The following LAMC2 variants were observed in gnomAD, a reference collection of about 807,000 sequenced individuals.
LAMC2 encodes laminin subunit gamma-2.
LAMC2 carries 97 observed loss-of-function variants against 140.2 expected under a neutral mutation model. The observed-to-expected ratio is 0.69, with a 90% CI of 0.59 to 0.82. The LOEUF (loss-of-function observed/expected upper bound fraction) is 0.82, where lower values mean the gene tolerates loss of function less well. Ranked by LOEUF, LAMC2 falls within the 40% of genes least tolerant of loss-of-function variation. The pLI is 0.00. For synonymous variants in LAMC2, 513 were observed against 540.2 expected (o/e 0.95, Z 0.70); for missense variants, 1,402 against 1,476.1 (o/e 0.95, Z 0.82).
chr1:183,237,552 C>A, intron 18 of LAMC2, 48 bp downstream of exon 18: 1 of 1,456,404 alleles, frequency 6.9e-7, no homozygotes, highest in Non-Finnish European at 9.6e-7. Flanking sequence ...ATTGAATGCC[C>A]ACCATATGAA....
chr1:183,237,986 C>T (rs983668654), intron 18 of LAMC2, among the ~76,000 whole-genome samples: 2 of 152,160 alleles, frequency 1.3e-5, no homozygotes, highest in African/African-American at 4.8e-5. Context: ...AGCCCTCAAA[C>T]CTAGGAATAG....
At chr1:183,235,487 C>T in intron 15 of LAMC2, 88 bp from the exon 16 acceptor site, 1 of 1,431,966 alleles carries the variant, frequency 7.0e-7, no homozygotes. Context: ...AGACCAGCTC[C>T]CGTACTCTTT....
At position 183,235,558 on chromosome 1, in the gene LAMC2, G is replaced by GT. The variant is rs1366980982; in HGVS notation, c.2301-12dup. On this transcript the variant is annotated splice_polypyrimidine_tract_variant and intron_variant, in intron 15 of 22. Transcript: ENST00000264144. ...TTTGCGTGAAAACTCTTATTCTTTT[G>GT]TTTTTAATCCTTTCAGCCACGTTGA... 6.2e-7 allele frequency: 1 copy of GT among 1,613,872 alleles called. No individual in the cohort carries two copies. Among genetic ancestry groups the GT allele is most frequent in the African/African-American group, 1.3e-5 (1 of 74,926 alleles).
At chr1:183,237,582 A>C (rs1015370307) in intron 18 of LAMC2, 78 bp downstream of exon 18, 79 of 1,350,952 alleles carry the variant, frequency 5.8e-5, no homozygotes, top group Non-Finnish European at 8.0e-5. Flanking sequence ...CAAGAAGAAT[A>C]ATCAAAAGCT....
chr1:183,229,831 G>A (rs1321190263), intron 11 of LAMC2, among the ~76,000 whole-genome samples: 1 of 151,924 alleles, frequency 6.6e-6, no homozygotes, highest in African/African-American at 2.4e-5. Flanking sequence ...AGGAATTCTA[G>A]GCCAGACCAG....
chr1:183,191,777 T>A (rs1032728319), intron 1 of LAMC2, among the ~76,000 whole-genome samples: 5 of 151,974 alleles, frequency 3.3e-5, no homozygotes, highest in African/African-American at 1.2e-4. Context: ...GGGGACTGCT[T>A]GAACCCGGGA....
chr1:183,232,185 A>T lies in LAMC2; in HGVS notation c.1858-2A>T, dbSNP rs1659818945. On this transcript the variant is annotated splice_acceptor_variant, in intron 12 of 22. Coordinates refer to ENST00000264144, the MANE Select transcript of LAMC2 (RefSeq NM_005562.3). LOFTEE classifies it high-confidence loss of function. ...GTTCTGATCTTTCCTGTGTGGTTTC[A>T]GATGGATCAGTTTATGCAGCAGCTT... 1 of 1,613,570 alleles carries T rather than the reference A, an allele frequency of 6.2e-7. No individual in the cohort carries two copies. Among genetic ancestry groups the T allele is most frequent in the Non-Finnish European group, 8.5e-7 (1 of 1,180,012 alleles).
downstream of LAMC2, among the ~76,000 whole-genome samples, chr1:183,245,679 T>C (rs115263626): frequency 6.0e-4 from 92 of 152,336 alleles, no homozygotes; most frequent in African/African-American, 1.9e-3. Context: ...GAAGATGTAG[T>C]CCTTTGTTAG....
Position 183,215,603 on chromosome 1 carries a change from C to G in LAMC2, c.404+15C>G. 6.2e-7 allele frequency: 1 copy of G among 1,614,024 alleles called. No individual in the cohort carries two copies. On this transcript the variant is annotated intron_variant, in intron 3 of 22. Transcript: ENST00000264144. ...CAGAGACTGCTGTGAGTATTTGCAT[C>G]CCACCATGGCTGTCACTAACTCAGT...
intron 1 of LAMC2, among the ~76,000 whole-genome samples, chr1:183,200,303 T>C (rs1233501028): frequency 6.6e-6 from 1 of 151,622 alleles, no homozygotes; most frequent in Non-Finnish European, 1.5e-5. Context: ...GGCAGGAGAA[T>C]CACTTGAACC....
chr1:183,239,792 G>T (rs1660074473), intron 20 of LAMC2: 5 of 633,112 alleles, frequency 7.9e-6, no homozygotes, highest in Middle Eastern at 4.3e-4. Flanking sequence ...TTCAACATTT[G>T]GTGAGCATTG....
At position 183,243,436 on chromosome 1, in the gene LAMC2, G is replaced by A. The variant is rs773372177; in HGVS notation, c.*36G>A. On this transcript the variant is annotated 3_prime_UTR_variant, in exon 23 of 23. Transcript: ENST00000264144. ...AATATTTCTCAACTGAGGTTCTTGG[G>A]ATACAGATCTCAGGGCTCGGGAGCC... 21 of 1,613,896 alleles carry A rather than the reference G, an allele frequency of 1.3e-5. No individual in the cohort carries two copies. Among genetic ancestry groups the A allele is most frequent in the Non-Finnish European group, 1.7e-5 (20 of 1,179,906 alleles).
intron 11 of LAMC2, among the ~76,000 whole-genome samples, chr1:183,230,172 A>C (rs1302194681): frequency 2.0e-5 from 3 of 152,160 alleles, no homozygotes; most frequent in Non-Finnish European, 4.4e-5. Context: ...TCTTCACTCA[A>C]CCATCCTTTA....
chr1:183,193,515 TTA>T (rs1399504385), intron 1 of LAMC2, among the ~76,000 whole-genome samples: 50 of 29,800 alleles, frequency 1.7e-3, no homozygotes, highest in African/African-American at 0.011. Flanking sequence ...TTATACATAC[TTA>T]CTGCTGTTTC....
In LAMC2 at chr1:183,243,947, G is replaced by C. The variant is rs1163536098; in HGVS notation, c.*547G>C. 1 of 174,088 alleles carries C rather than the reference G, an allele frequency of 5.7e-6. No individual in the cohort carries two copies. The highest frequency in any genetic ancestry group is 5.5e-5 in the Admixed American group (1 of 18,314). 10.8% of individuals were successfully genotyped at this position (174,088 alleles called of 1,614,324 possible). A position where few individuals can be genotyped will look rare whatever the true frequency, so the allele number is the denominator to read the frequency against. Reference sequence around the variant, plus strand: ...TACTTACAACCCAGGGTGTGAACATGTTCTCCATTTTCAAGCTGGAAGAAG... The same window carrying C: ...TACTTACAACCCAGGGTGTGAACATCTTCTCCATTTTCAAGCTGGAAGAAG... On this transcript the variant is annotated 3_prime_UTR_variant, in exon 23 of 23. Coordinates refer to ENST00000264144, the MANE Select transcript of LAMC2 (RefSeq NM_005562.3).
rs945292791 is a variant in LAMC2 at position 183,243,789 on chromosome 1, A to G, written c.*389A>G. 7.0e-6 allele frequency: 2 copies of G among 285,118 alleles called. No individual in the cohort carries two copies. The highest frequency in any genetic ancestry group is 4.4e-5 in the African/African-American group (2 of 45,756). The allele number at this position is 285,118 out of a possible 1,614,324, so 17.7% of individuals were successfully genotyped here. A position where few individuals can be genotyped will look rare whatever the true frequency, so the allele number is the denominator to read the frequency against. ...CTTTGAGTAATGTGACTAAAGGAAAAAACTTTGACTTTGCCCAGGCATGAA... is the reference window on the plus strand; with the variant it reads ...CTTTGAGTAATGTGACTAAAGGAAAGAACTTTGACTTTGCCCAGGCATGAA... On this transcript the variant is annotated 3_prime_UTR_variant, in exon 23 of 23. Coordinates refer to ENST00000264144, the MANE Select transcript of LAMC2 (RefSeq NM_005562.3).
Position 183,232,667 on chromosome 1 carries a change from T to C in LAMC2, c.2030T>C (p.Leu677Pro), listed in dbSNP as rs763338537. 6.2e-7 allele frequency: 1 copy of C among 1,613,134 alleles called. No homozygotes were observed. The highest frequency in any genetic ancestry group is 8.5e-7 in the Non-Finnish European group (1 of 1,179,872). ...TTGCGTTCAGGTGCTAGCAGATCCC[T>C]TGGTCTCCAGTTGGCCAAGGTGAGG... is the stretch of plus-strand genomic sequence containing the variant. ...AQISEGASRS[L>P]GLQLAKVRSQ... Residue 677 changes from leucine (L) to proline (P), a missense_variant, in exon 14 of 23, where the codon CTT (leucine) becomes CCT (proline). Physicochemically the swap from Leu to Pro is moderately conservative, Grantham distance 98. Coordinates refer to ENST00000264144, the MANE Select transcript of LAMC2 (RefSeq NM_005562.3).
chr1:183,221,014 G>A (rs1659451945), intron 5 of LAMC2, 53 bp downstream of exon 5: 5 of 1,548,740 alleles, frequency 3.2e-6, no homozygotes, highest in South Asian at 1.1e-5. Context: ...ACAGGGCTTT[G>A]TGTTTAGAGA....
rs1362425551 is a variant in LAMC2 at position 183,232,310 on chromosome 1, C to T, written c.1981C>T (p.Gln661Ter). Reference protein sequence around the residue: ...GRMQQAEQALQDILRDAQISE... With the variant: ...GRMQQAEQAL The stretch of plus-strand genomic sequence containing the variant: ...GATGCAGCAGGCTGAGCAGGCCCTT[C>T]AGGACATTCTGAGAGATGCCCAGAT... Residue 661 changes from glutamine to a stop codon, truncating the protein, a stop_gained, in exon 13 of 23, where the codon CAG (glutamine) becomes TAG (stop). Coordinates refer to ENST00000264144, the MANE Select transcript of LAMC2 (RefSeq NM_005562.3). LOFTEE classifies it high-confidence loss of function. 6.2e-7 allele frequency: 1 copy of T among 1,614,080 alleles called. No homozygotes were observed. Among genetic ancestry groups the T allele is most frequent in the Non-Finnish European group, 8.5e-7 (1 of 1,180,036 alleles).
Sources: gnomAD v4.1 joint callset for allele counts (sites outside exome capture counted in the v4.1 genomes callset) on GRCh38, gnomAD v4.1.1 for gene constraint, MANE v1.5 for transcripts, NCBI Gene and HGNC (gene_info 2026-07-23, HGNC 2026-07-21) for gene names.